Variants in LEPROTL1 observed in about 807,000 individuals in gnomAD.
LEPROTL1 encodes the protein leptin receptor overlapping transcript-like 1.
Under a neutral mutation model 15.4 loss-of-function variants are expected in LEPROTL1, and 6 were observed. That is an observed-to-expected ratio of 0.39 (90% CI 0.21 to 0.77). LEPROTL1 has a LOEUF of 0.77. Ranked by LOEUF, LEPROTL1 falls within the 30% of genes least tolerant of loss-of-function variation. The pLI is 0.41. For missense variants in LEPROTL1, 128 were observed against 158.1 expected (o/e 0.81, Z 1.02); for synonymous variants, 56 against 52.6 (o/e 1.06, Z -0.28).
chr8:30,099,622 AAAAC>A (rs1409214834), intron 1 of LEPROTL1, among the ~76,000 whole-genome samples: 2 of 148,436 alleles, frequency 1.3e-5, no homozygotes, highest in African/African-American at 5.1e-5. Flanking sequence ...AAAAAAAAAA[AAAAC>A]CAGCAAAAAA....
chr8:30,105,670 A>C, intron 3 of LEPROTL1, 76 bp from the exon 4 acceptor site: 1 of 1,294,666 alleles, frequency 7.7e-7, no homozygotes, highest in Non-Finnish European at 1.1e-6. Flanking sequence ...TTGGGATACA[A>C]CTAGAGCCTT....
Position 30,132,477 on chromosome 8 carries a change from G to T in LEPROTL1, c.382G>T (p.Val128Leu), listed in dbSNP as rs1381058212. The T allele has an allele frequency of 9.0e-6, 14 of 1,551,784 alleles. No individual in the cohort carries two copies. In the South Asian group the frequency reaches 1.7e-4, roughly 18 times the overall value. Residue 128 changes from valine to leucine, a missense_variant, in exon 4 of 5, where the codon GTG (valine) becomes TTG (leucine). Physicochemically the swap from Val to Leu is conservative, Grantham distance 32. Coordinates refer to the LEPROTL1 transcript ENST00000442880. ...GGAGGAGGGAGTCGTCCAGGATCCA[G>T]TGGGAGTAGTAGGTGAGCTTGAAAA...
At chr8:30,131,471 GA>G (rs577394825) in intron 3 of LEPROTL1, among the ~76,000 whole-genome samples, 3 of 151,470 alleles carry the variant, frequency 2.0e-5, no homozygotes, top group East Asian at 1.9e-4. Context: ...TCCAAATTTA[GA>G]AAAAAAAGTT....
intron 3 of LEPROTL1, chr8:30,132,341 T>C: frequency 1.9e-6 from 3 of 1,551,762 alleles, no homozygotes; most frequent in Non-Finnish European, 2.6e-6. Context: ...TTCCACTTTC[T>C]TGAGAACACA....
chr8:30,131,587 T>A (rs1328314840), intron 3 of LEPROTL1, among the ~76,000 whole-genome samples: 2 of 152,168 alleles, frequency 1.3e-5, no homozygotes, highest in Non-Finnish European at 2.9e-5. Context: ...CATTCCAGGA[T>A]CAGGTGGGTC....
intron 3 of LEPROTL1, among the ~76,000 whole-genome samples, chr8:30,118,019 GTTTTTTT>G (rs34271690): frequency 6.0e-4 from 16 of 26,770 alleles, no homozygotes; most frequent in African/African-American, 1.8e-3. Flanking sequence ...TTTTTGATTT[GTTTTTTT>G]TTTTTTTTTT....
intron 1 of LEPROTL1, among the ~76,000 whole-genome samples, chr8:30,100,849 CTGTGTG>C (rs113757454): frequency 6.6e-6 from 1 of 150,748 alleles, no homozygotes; most frequent in African/African-American, 2.4e-5. Flanking sequence ...AAATGTACTG[CTGTGTG>C]TGTGTGTGTG....
chr8:30,104,555 TTTTG>T, intron 3 of LEPROTL1, 69 bp downstream of exon 3: 1 of 1,081,074 alleles, frequency 9.3e-7, no homozygotes, highest in East Asian at 2.7e-5. Flanking sequence ...CAAGCAAAGT[TTTTG>T]TTAATGACAT....
exon 5 of LEPROTL1, chr8:30,137,407 G>C: frequency 6.4e-7 from 1 of 1,551,636 alleles, no homozygotes; most frequent in Non-Finnish European, 8.7e-7. Context: ...CACTCAACCC[G>C]TGCTGAGGCT....
intron 3 of LEPROTL1, among the ~76,000 whole-genome samples, chr8:30,118,681 G>A (rs749769197): frequency 4.6e-5 from 7 of 152,160 alleles, no homozygotes; most frequent in African/African-American, 7.2e-5. Flanking sequence ...CACCGGCACC[G>A]GTTTCTGAGT....
chr8:30,117,672 A>T, intron 3 of LEPROTL1: 1 of 1,475,794 alleles, frequency 6.8e-7, no homozygotes, highest in Non-Finnish European at 9.4e-7. Context: ...GAGAAACCAG[A>T]CGATGACTTT....
At chr8:30,130,348 C>T (rs890924410) in intron 3 of LEPROTL1, among the ~76,000 whole-genome samples, 1 of 152,046 alleles carries the variant, frequency 6.6e-6, no homozygotes, top group African/African-American at 2.4e-5. Context: ...ACTGCCATTG[C>T]TTAGAAGAAG....
chr8:30,096,421 G>A, intron 1 of LEPROTL1: 2 of 984,104 alleles, frequency 2.0e-6, no homozygotes, highest in Non-Finnish European at 2.4e-6. Flanking sequence ...GCAGGAAGCA[G>A]GTAACTTTGG....
intron 3 of LEPROTL1, among the ~76,000 whole-genome samples, chr8:30,131,089 C>T (rs916181394): frequency 3.3e-5 from 5 of 150,720 alleles, no homozygotes; most frequent in African/African-American, 4.9e-5. Flanking sequence ...CCACAACGCC[C>T]GGCCCAAAAA....
At chr8:30,100,227 A>G (rs926937939) in intron 1 of LEPROTL1, among the ~76,000 whole-genome samples, 1 of 152,180 alleles carries the variant, frequency 6.6e-6, no homozygotes, top group Non-Finnish European at 1.5e-5. Flanking sequence ...TGTGCAGAGT[A>G]TATCAGTAGT....
At chr8:30,095,600 C>T (rs991712105) in intron 1 of LEPROTL1, 72 bp downstream of exon 1, 10 of 1,197,654 alleles carry the variant, frequency 8.3e-6, no homozygotes, top group Non-Finnish European at 1.1e-5. Context: ...CCCACGCGGC[C>T]CCCGCACTTC....
chr8:30,134,446 CA>C (rs913351650), intron 4 of LEPROTL1, among the ~76,000 whole-genome samples: 1 of 149,932 alleles, frequency 6.7e-6, no homozygotes, highest in South Asian at 2.1e-4. Context: ...AAAAAAAAAA[CA>C]AAAAAAAACT....
chr8:30,110,407 GA>G (rs925291978), downstream of LEPROTL1, among the ~76,000 whole-genome samples: 43 of 152,148 alleles, frequency 2.8e-4, no homozygotes, highest in African/African-American at 9.2e-4. Flanking sequence ...AGTGGGGGCA[GA>G]ATCAGGAATT....
intron 3 of LEPROTL1, among the ~76,000 whole-genome samples, chr8:30,115,356 TA>T (rs58260284): frequency 0.84 from 126,063 of 149,726 alleles, 54,155 homozygotes; most frequent in Non-Finnish European, 0.94. Flanking sequence ...GACCCCATCT[TA>T]AAAAAAAAAA....
Sources: allele counts gnomAD v4.1 joint callset (sites outside exome capture counted in the v4.1 genomes callset), GRCh38; gene constraint gnomAD v4.1.1; transcripts MANE v1.5; gene names NCBI Gene and HGNC (gene_info 2026-07-23, HGNC 2026-07-21).